CATSPERE: variants seen among roughly 807,000 people sequenced by gnomAD.
The protein encoded by CATSPERE is catsper channel auxiliary subunit epsilon, also known as cation channel sperm-associated auxiliary subunit epsilon.
In CATSPERE, 93 loss-of-function variants were observed where a neutral mutation model predicts 114.1. That is an observed-to-expected ratio of 0.81 (90% confidence interval 0.69 to 0.97). The LOEUF is 0.97. CATSPERE is among the 50% of genes least tolerant of loss of function. The pLI is 0.00. For missense variants in CATSPERE, 1,058 were observed against 1,131.6 expected (o/e 0.93, Z 0.93); for synonymous variants, 341 against 384.1 (o/e 0.89, Z 1.31).
intron 8 of CATSPERE, among the ~76,000 whole-genome samples, chr1:244,536,493 G>A (rs1403151263): frequency 1.3e-5 from 2 of 152,262 alleles, no homozygotes; most frequent in East Asian, 3.9e-4. Context: ...CCCTCTGCGG[G>A]CGTCATCTGA....
chr1:244,580,858 G>A (rs1403972963), intron 11 of CATSPERE, among the ~76,000 whole-genome samples: 2 of 152,008 alleles, frequency 1.3e-5, no homozygotes, highest in Non-Finnish European at 2.9e-5. Flanking sequence ...AAAATTGGCT[G>A]GATGTGGTGG....
intron 14 of CATSPERE, among the ~76,000 whole-genome samples, chr1:244,589,027 A>T (rs1667389024): frequency 6.6e-6 from 1 of 152,204 alleles, no homozygotes; most frequent in Non-Finnish European, 1.5e-5. Context: ...ATTGCCCTAG[A>T]GAATCCCAAC....
chr1:244,524,756 C>T (rs943753118), intron 8 of CATSPERE, among the ~76,000 whole-genome samples: 7 of 148,396 alleles, frequency 4.7e-5, no homozygotes, highest in Non-Finnish European at 7.4e-5. Context: ...CATCACTGGC[C>T]ATCAGAGAAA....
chr1:244,461,332 A>G lies in CATSPERE; in HGVS notation c.-98A>G. On this transcript the variant is annotated 5_prime_UTR_variant, in exon 1 of 22. Coordinates refer to ENST00000366534, the MANE Select transcript of CATSPERE (RefSeq NM_001130957.2). ...GCCCTGTCCAGAGGCGCCGGGACCC[A>G]GGCGCCTGCAGCCGCCCGCCGGGCC... is the stretch of plus-strand genomic sequence containing the variant. 9.3e-7 allele frequency: 1 copy of G among 1,076,986 alleles called. No homozygotes were observed. The highest frequency in any genetic ancestry group is 1.2e-6 in the Non-Finnish European group (1 of 830,244). The allele number at this position is 1,076,986 out of a possible 1,614,324, so 66.7% of individuals were successfully genotyped here. A position where few individuals can be genotyped will look rare whatever the true frequency, so the allele number is the denominator to read the frequency against.
intron 7 of CATSPERE, among the ~76,000 whole-genome samples, chr1:244,508,500 A>G (rs983189256): frequency 6.6e-6 from 1 of 151,308 alleles, no homozygotes; most frequent in African/African-American, 2.4e-5. Flanking sequence ...ATGGGGTTTC[A>G]CCGTGTTAGC....
intron 5 of CATSPERE, among the ~76,000 whole-genome samples, chr1:244,486,989 C>T (rs1030594794): frequency 2.7e-5 from 4 of 149,574 alleles, no homozygotes; most frequent in Non-Finnish European, 4.5e-5. Flanking sequence ...TGTAGACCCT[C>T]GTAGTCACCT....
intron 2 of CATSPERE, among the ~76,000 whole-genome samples, chr1:244,471,247 C>T (rs1362263852): frequency 1.3e-5 from 2 of 152,118 alleles, no homozygotes; most frequent in Non-Finnish European, 2.9e-5. Context: ...TTAATGTCAT[C>T]AAATATCTAG....
intron 12 of CATSPERE, among the ~76,000 whole-genome samples, chr1:244,583,265 C>CAA (rs1558539855): frequency 1.3e-5 from 2 of 152,020 alleles, no homozygotes; most frequent in African/African-American, 2.4e-5. Context: ...CAAACTTTCA[C>CAA]GTTTTCTTCT....
At chr1:244,461,542 C>T (rs753065264) in intron 1 of CATSPERE, 48 bp downstream of exon 1, 2 of 1,258,334 alleles carry the variant, frequency 1.6e-6, no homozygotes, top group South Asian at 6.6e-5. Context: ...GGATTACCCC[C>T]GGCGGGGCAG....
At chr1:244,526,749 G>A (rs1013718008) in intron 8 of CATSPERE, among the ~76,000 whole-genome samples, 6 of 151,566 alleles carry the variant, frequency 4.0e-5, no homozygotes, top group East Asian at 1.9e-4. Flanking sequence ...CCTAGGTATC[G>A]GGGGAACCTG....
At chr1:244,460,317 T>G (rs1199816708), upstream of CATSPERE, among the ~76,000 whole-genome samples, 1 of 152,138 alleles carries the variant, frequency 6.6e-6, no homozygotes, top group Non-Finnish European at 1.5e-5. Context: ...GCTCCTAAGA[T>G]CGGTGCTCGA....
At chr1:244,556,679 A>T (rs928163818) in intron 9 of CATSPERE, among the ~76,000 whole-genome samples, 1 of 152,206 alleles carries the variant, frequency 6.6e-6, no homozygotes, top group African/African-American at 2.4e-5. Flanking sequence ...AGTTTCAGAT[A>T]TTACATTAAG....
intron 19 of CATSPERE, among the ~76,000 whole-genome samples, chr1:244,617,149 C>A (rs1168032524): frequency 6.6e-6 from 1 of 152,128 alleles, no homozygotes; most frequent in Non-Finnish European, 1.5e-5. Flanking sequence ...AAATGAAGAT[C>A]CTAGGGCAAG....
At chr1:244,470,496 C>A (rs1668303121) in intron 2 of CATSPERE, among the ~76,000 whole-genome samples, 1 of 152,106 alleles carries the variant, frequency 6.6e-6, no homozygotes, top group African/African-American at 2.4e-5. Flanking sequence ...TGTCTATAAT[C>A]AAAAAGACAG....
intron 20 of CATSPERE, among the ~76,000 whole-genome samples, chr1:244,620,757 G>A (rs2148714400): frequency 6.6e-6 from 1 of 151,676 alleles, no homozygotes. Context: ...TATAGGCCAG[G>A]AATTCCGAAA....
intron 17 of CATSPERE, among the ~76,000 whole-genome samples, chr1:244,602,954 A>G (rs1558575559): frequency 6.6e-6 from 1 of 152,084 alleles, no homozygotes; most frequent in Non-Finnish European, 1.5e-5. Flanking sequence ...AGAGGGAGTG[A>G]GGGGGAAATG....
intron 15 of CATSPERE, among the ~76,000 whole-genome samples, chr1:244,592,403 A>T (rs981933105): frequency 6.6e-6 from 1 of 152,160 alleles, no homozygotes; most frequent in African/African-American, 2.4e-5. Flanking sequence ...TACCTTTGTA[A>T]GATAAAGATC....
rs1307861043 is a variant in CATSPERE at position 244,607,180 on chromosome 1, T to C, written c.2403+1386T>C. On this transcript the variant is annotated intron_variant, in intron 18 of 21. Coordinates refer to ENST00000366534, the MANE Select transcript of CATSPERE (RefSeq NM_001130957.2). This position sits in a 1 kb window ranked among gnomAD's most constrained non-coding sequence, Gnocchi z 4.4. The stretch of plus-strand genomic sequence containing the variant: ...TACAGTTCTATCGAACCAAGAGTAC[T>C]CTTTCTCTCACCCCATATACTTAAG... Among the ~76,000 whole-genome samples, 2 of 152,190 alleles carry C rather than the reference T, an allele frequency of 1.3e-5. No individual in the cohort carries two copies. The highest frequency in any genetic ancestry group is 1.5e-5 in the Non-Finnish European group (1 of 68,030).
chr1:244,458,278 TG>T (rs1345546332), upstream of CATSPERE, among the ~76,000 whole-genome samples: 1 of 152,214 alleles, frequency 6.6e-6, no homozygotes, highest in African/African-American at 2.4e-5. Context: ...TCCAAAATTA[TG>T]GGAAATTTCT....
Sources: allele counts gnomAD v4.1 joint callset (sites outside exome capture counted in the v4.1 genomes callset), GRCh38; gene constraint gnomAD v4.1.1; non-coding constraint Gnocchi (gnomAD v3.1); transcripts MANE v1.5; gene names NCBI Gene and HGNC (gene_info 2026-07-23, HGNC 2026-07-21).